CRADD: variants seen among roughly 807,000 people sequenced by gnomAD.
CRADD encodes the protein CARD and death domain containing adaptor protein.
CRADD carries 9 observed loss-of-function variants against 15.5 expected under a neutral mutation model. The observed-to-expected ratio is 0.58, with a 90% confidence interval of 0.35 to 1.01. The LOEUF (loss-of-function observed/expected upper bound fraction) is 1.01, where lower values mean the gene tolerates loss of function less well. CRADD is among the 50% of genes least tolerant of loss of function. The pLI is 0.02. For missense variants in CRADD, 227 were observed against 250.3 expected, an observed-to-expected ratio of 0.91 and a Z score of 0.63; for synonymous variants, 118 against 107.6, an observed-to-expected ratio of 1.10 and a Z score of -0.60.
chr12:93,765,095 C>T (rs917196497), intron 2 of CRADD, among the ~76,000 whole-genome samples: 2 of 151,534 alleles, frequency 1.3e-5, no homozygotes, highest in Non-Finnish European at 2.9e-5. Context: ...AGAAACGTAA[C>T]ATGTAGTCTA....
intron 2 of CRADD, among the ~76,000 whole-genome samples, chr12:93,875,429 T>TC: frequency 6.6e-6 from 1 of 151,586 alleles, no homozygotes. Flanking sequence ...AAGACTTACT[T>TC]CTTCCACTTT....
At chr12:93,862,694 C>T (rs754941337) in intron 2 of CRADD, among the ~76,000 whole-genome samples, 1 of 152,188 alleles carries the variant, frequency 6.6e-6, no homozygotes, top group East Asian at 1.9e-4. Context: ...GAAATCTCAA[C>T]ACTTTTAAAG....
rs569260046 is a variant in CRADD, at chr12:93,782,284, T to C, written c.299-67686T>C. On this transcript the variant is annotated intron_variant, in intron 2 of 2. Transcript: ENST00000332896. Reference sequence around the variant, plus strand: ...GCATGTTCTCACTCATAGGTGGGAATTGAACAATGAGAACACATGGACACA... The same window carrying C: ...GCATGTTCTCACTCATAGGTGGGAACTGAACAATGAGAACACATGGACACA... Among the ~76,000 whole-genome samples, 18 of 145,362 alleles carry C rather than the reference T, an allele frequency of 1.2e-4. No homozygotes were observed. In the East Asian group the frequency reaches 2.8e-3, roughly 23 times the overall value.
rs931183565 is a variant in CRADD at position 93,677,435 on chromosome 12, G to A, written c.-44G>A. ...CCTAACAGTCAGGATTCCGGTTGCAGTTTTTCTCCCCCGCCCCAAAGATAC... is the reference window on the plus strand; with the variant it reads ...CCTAACAGTCAGGATTCCGGTTGCAATTTTTCTCCCCCGCCCCAAAGATAC... On this transcript the variant is annotated 5_prime_UTR_variant, in exon 1 of 3. Coordinates refer to ENST00000332896, the MANE Select transcript of CRADD (RefSeq NM_003805.5). 6.6e-6 allele frequency: 1 copy of A among 152,384 alleles called. No homozygotes were observed. Among genetic ancestry groups the A allele is most frequent in the Non-Finnish European group, 1.5e-5 (1 of 68,060 alleles). 9.4% of individuals were successfully genotyped at this position (152,384 alleles called of 1,614,324 possible).
At chr12:93,687,418 A>G (rs1248623021) in intron 2 of CRADD, among the ~76,000 whole-genome samples, 2 of 152,170 alleles carry the variant, frequency 1.3e-5, no homozygotes, top group Non-Finnish European at 2.9e-5. Context: ...AGCTTTTACA[A>G]AACTACTGAT....
chr12:93,775,627 G>C (rs1371913138), intron 2 of CRADD, among the ~76,000 whole-genome samples: 1 of 152,194 alleles, frequency 6.6e-6, no homozygotes, highest in Non-Finnish European at 1.5e-5. Context: ...GCTTGGCTTA[G>C]TACCCCAGGC....
chr12:93,888,689 G>A (rs12319516), intron 2 of CRADD, among the ~76,000 whole-genome samples: 13,085 of 152,144 alleles, frequency 0.086, 1,822 homozygotes, highest in African/African-American at 0.29. Flanking sequence ...CCCAGCAGCT[G>A]GAGTTGCTGT....
Position 93,875,766 on chromosome 12 carries a change from A to G in CRADD, c.299-18284A>G, listed in dbSNP as rs182949249. Reference sequence around the variant, plus strand: ...CTATTTATATCTTATTGTACTGATGATGTCTTGAAATGCTGTTGTCATTAT... The same window carrying G: ...CTATTTATATCTTATTGTACTGATGGTGTCTTGAAATGCTGTTGTCATTAT... On this transcript the variant is annotated intron_variant, in intron 2 of 2. Coordinates refer to the CRADD transcript ENST00000548483. Among the ~76,000 whole-genome samples the G allele has an allele frequency of 2.1e-3, 320 of 152,194 alleles. 1 individual carries two copies. Among genetic ancestry groups the G allele is most frequent in the African/African-American group, 6.5e-3 (270 of 41,568 alleles).
At chr12:93,823,294 A>AAAAC (rs562526598) in intron 2 of CRADD, among the ~76,000 whole-genome samples, 3,173 of 62,514 alleles carry the variant, frequency 0.051, 112 homozygotes, top group African/African-American at 0.27. Context: ...CTCTGTCTCA[A>AAAAC]AAACAAAAAA....
intron 2 of CRADD, among the ~76,000 whole-genome samples, chr12:93,784,981 CGTT>C (rs1229223890): frequency 6.6e-6 from 1 of 152,078 alleles, no homozygotes; most frequent in African/African-American, 2.4e-5. Context: ...AGGCACAACT[CGTT>C]ATTAATTTGA....
intron 2 of CRADD, among the ~76,000 whole-genome samples, chr12:93,710,898 T>A (rs1283700419): frequency 6.6e-6 from 1 of 152,096 alleles, no homozygotes; most frequent in African/African-American, 2.4e-5. Context: ...GTATTATTAG[T>A]GAAGTCCAAG....
At chr12:93,847,510 A>AC (rs1233994401) in intron 2 of CRADD, among the ~76,000 whole-genome samples, 5 of 147,920 alleles carry the variant, frequency 3.4e-5, no homozygotes, top group Non-Finnish European at 6.0e-5. Flanking sequence ...AAAAAAAAAA[A>AC]AAAAAAAAAA....
chr12:93,697,595 ATAAGT>A (rs1955740899), intron 2 of CRADD, among the ~76,000 whole-genome samples: 1 of 111,772 alleles, frequency 8.9e-6, no homozygotes, highest in Non-Finnish European at 1.7e-5. Context: ...AGTTAAAATA[ATAAGT>A]TAAATAAGTT....
chr12:93,842,368 G>A (rs150119447), intron 2 of CRADD, among the ~76,000 whole-genome samples: 16 of 152,294 alleles, frequency 1.1e-4, no homozygotes, highest in African/African-American at 3.6e-4. Context: ...TAGAAGACAT[G>A]GCTTTTTTTC....
At chr12:93,821,455 T>C (rs1957768777) in intron 2 of CRADD, among the ~76,000 whole-genome samples, 1 of 152,230 alleles carries the variant, frequency 6.6e-6, no homozygotes, top group Non-Finnish European at 1.5e-5. Context: ...CCCAGTCCCC[T>C]AGTCCCTCTG....
intron 2 of CRADD, among the ~76,000 whole-genome samples, chr12:93,705,683 T>C (rs1163303563): frequency 6.6e-6 from 1 of 152,228 alleles, no homozygotes; most frequent in Non-Finnish European, 1.5e-5. Context: ...GTGTCAGTAA[T>C]GGCTCCTAGA....
chr12:93,766,147 A>G (rs1218165863), intron 2 of CRADD, among the ~76,000 whole-genome samples: 1 of 152,196 alleles, frequency 6.6e-6, no homozygotes, highest in African/African-American at 2.4e-5. Flanking sequence ...TGCCTGTTCT[A>G]CTTGTCATCG....
chr12:93,752,603 AAAATATATCTGATGGT>A (rs1956840466), intron 2 of CRADD, among the ~76,000 whole-genome samples: 2 of 152,236 alleles, frequency 1.3e-5, no homozygotes, highest in Admixed American at 6.5e-5. Flanking sequence ...TTAGAACAAA[AAAATATATCTGATGGT>A]AAAATGGATA....
At chr12:93,838,669 C>T (rs1958010991) in intron 2 of CRADD, among the ~76,000 whole-genome samples, 1 of 151,860 alleles carries the variant, frequency 6.6e-6, no homozygotes, top group South Asian at 2.1e-4. Context: ...CTTGTTCCCC[C>T]TCCCTCTCAT....
Sources: gnomAD v4.1 joint callset for allele counts (sites outside exome capture counted in the v4.1 genomes callset) on GRCh38, gnomAD v4.1.1 for gene constraint, MANE v1.5 for transcripts, NCBI Gene and HGNC (gene_info 2026-07-23, HGNC 2026-07-21) for gene names.